TMEM26: variants seen among roughly 807,000 people sequenced by gnomAD.
The protein encoded by TMEM26 is transmembrane protein 26.
In TMEM26, 38 loss-of-function variants were observed where a neutral mutation model predicts 28.8. The ratio of observed to expected loss-of-function variants is 1.32; its 90% CI spans 1.02 to 1.73. TMEM26 has a LOEUF of 1.73. TMEM26 is among the 40% of genes most tolerant of loss of function. The probability of loss-of-function intolerance (pLI) is 0.00; values close to 1 mark genes in which losing one functional copy is unlikely to be tolerated. For missense variants in TMEM26, 518 were observed against 447.1 expected (o/e 1.16, Z -1.43); for synonymous variants, 227 against 182.9 (o/e 1.24, Z -1.95).
intron 1 of TMEM26, among the ~76,000 whole-genome samples, chr10:61,438,489 C>T (rs1344796143): frequency 6.6e-6 from 1 of 152,118 alleles, no homozygotes; most frequent in Admixed American, 6.5e-5. Context: ...AATTTTGAGA[C>T]TAACCCCTCC....
chr10:61,437,691 A>G (rs917571369), intron 1 of TMEM26, among the ~76,000 whole-genome samples: 5 of 152,164 alleles, frequency 3.3e-5, no homozygotes, highest in African/African-American at 1.2e-4. Flanking sequence ...TGGCTGAGGC[A>G]GGAGAATTGC....
intron 4 of TMEM26, among the ~76,000 whole-genome samples, chr10:61,428,299 T>C (rs1305199090): frequency 6.6e-6 from 1 of 152,136 alleles, no homozygotes; most frequent in East Asian, 1.9e-4. Flanking sequence ...TCTGAGTTTA[T>C]TTGCTTGTGG....
intron 3 of TMEM26, among the ~76,000 whole-genome samples, 200 bp downstream of exon 3, chr10:61,431,019 A>C (rs1490011920): frequency 6.6e-6 from 1 of 151,970 alleles, no homozygotes; most frequent in East Asian, 1.9e-4. Flanking sequence ...AATATATATA[A>C]AATGTATCAA....
At chr10:61,418,369 A>G (rs138047352) in intron 4 of TMEM26, among the ~76,000 whole-genome samples, 3 of 152,144 alleles carry the variant, frequency 2.0e-5, no homozygotes, top group Non-Finnish European at 4.4e-5. Flanking sequence ...CATTTTAAAC[A>G]GATGGCTCCC....
chr10:61,412,765 G>T, intron 5 of TMEM26: 1 of 285,206 alleles, frequency 3.5e-6, no homozygotes, highest in Non-Finnish European at 6.7e-6. Context: ...GAATTTTAAT[G>T]TTTTAAATTT....
At chr10:61,452,557 C>T (rs934695339) in intron 1 of TMEM26, 11 of 277,576 alleles carry the variant, frequency 4.0e-5, no homozygotes, top group Non-Finnish European at 5.7e-5. Context: ...ATGGCAACCT[C>T]CTTGTCCCAA....
chr10:61,419,027 G>A (rs1183736682), intron 4 of TMEM26, among the ~76,000 whole-genome samples: 2 of 152,096 alleles, frequency 1.3e-5, no homozygotes, highest in Non-Finnish European at 2.9e-5. Flanking sequence ...AAACTACATA[G>A]CCATAGGTGT....
intron 4 of TMEM26, among the ~76,000 whole-genome samples, chr10:61,424,127 G>T (rs1589031307): frequency 6.6e-6 from 1 of 152,070 alleles, no homozygotes; most frequent in Non-Finnish European, 1.5e-5. Flanking sequence ...ATACTGATTA[G>T]AAATAATCAA....
intron 4 of TMEM26, among the ~76,000 whole-genome samples, chr10:61,419,830 A>T (rs1372389587): frequency 6.6e-6 from 1 of 152,176 alleles, no homozygotes; most frequent in Non-Finnish European, 1.5e-5. Flanking sequence ...AAGAAGATCA[A>T]CAAAGCCCTA....
chr10:61,419,433 T>A (rs1185644883), intron 4 of TMEM26, among the ~76,000 whole-genome samples: 4 of 151,988 alleles, frequency 2.6e-5, no homozygotes, highest in South Asian at 2.1e-4. Context: ...TAAAGAAAAG[T>A]CTCATGGCAA....
At chr10:61,443,464 C>CA (rs397845546) in intron 1 of TMEM26, among the ~76,000 whole-genome samples, 16,124 of 130,794 alleles carry the variant, frequency 0.12, 1,746 homozygotes, top group African/African-American at 0.31. Context: ...GACTCCATCT[C>CA]AAAAAAAAAA....
chr10:61,410,871 G>T, intron 5 of TMEM26, 125 bp from the exon 6 acceptor site: 2 of 1,008,870 alleles, frequency 2.0e-6, no homozygotes, highest in Non-Finnish European at 2.9e-6. Context: ...TTAATTACAG[G>T]ATGGAAATCA....
chr10:61,427,075 G>A (rs917666553), intron 4 of TMEM26, among the ~76,000 whole-genome samples: 2 of 151,930 alleles, frequency 1.3e-5, no homozygotes, highest in Admixed American at 1.3e-4. Flanking sequence ...AAATGAAAAT[G>A]ACTTCAACCT....
intron 2 of TMEM26, among the ~76,000 whole-genome samples, chr10:61,431,585 TGCAGAGA>T (rs1197190114): frequency 1.3e-5 from 2 of 152,126 alleles, no homozygotes; most frequent in Non-Finnish European, 2.9e-5. Context: ...TCTGAGTCAT[TGCAGAGA>T]GCTGTAGAAT....
rs1438319208 is a variant in TMEM26, at chr10:61,410,086, T to C, written c.*236A>G. 6 of 544,692 alleles carry C rather than the reference T, an allele frequency of 1.1e-5. No individual in the cohort carries two copies. Among genetic ancestry groups the C allele is most frequent in the Non-Finnish European group, 2.0e-5 (6 of 307,448 alleles). 33.7% of individuals were successfully genotyped at this position (544,692 alleles called of 1,614,324 possible). On this transcript the variant is annotated 3_prime_UTR_variant, in exon 6 of 6. Transcript: ENST00000399298. ...AGTTCAAGACAAACAAATCACTTAG[T>C]CGTTGAACAACTATAACATCTGATA...
intron 5 of TMEM26, chr10:61,412,866 G>T: frequency 8.8e-7 from 1 of 1,137,464 alleles, no homozygotes; most frequent in Non-Finnish European, 1.2e-6. Context: ...TAAAATGCCT[G>T]GGAAACAGAT....
intron 4 of TMEM26, among the ~76,000 whole-genome samples, chr10:61,424,826 T>G (rs1839804193): frequency 6.6e-6 from 1 of 152,066 alleles, no homozygotes; most frequent in Non-Finnish European, 1.5e-5. Flanking sequence ...AAAGAAAGAC[T>G]CCTTTCAACA....
At chr10:61,411,505 G>A (rs2135284334) in intron 5 of TMEM26, among the ~76,000 whole-genome samples, 1 of 152,264 alleles carries the variant, frequency 6.6e-6, no homozygotes, top group African/African-American at 2.4e-5. Flanking sequence ...AAATTGTGCT[G>A]TGAAAATTCA....
At chr10:61,451,810 T>C (rs1401284119) in intron 1 of TMEM26, among the ~76,000 whole-genome samples, 1 of 152,168 alleles carries the variant, frequency 6.6e-6, no homozygotes, top group African/African-American at 2.4e-5. Context: ...GGCAACATGT[T>C]TTCTTCCGTG....
Sources: gnomAD v4.1 joint callset for allele counts (sites outside exome capture counted in the v4.1 genomes callset) on GRCh38, gnomAD v4.1.1 for gene constraint, MANE v1.5 for transcripts, NCBI Gene and HGNC (gene_info 2026-07-23, HGNC 2026-07-21) for gene names.